The following KIRREL3 variants were observed in gnomAD, a reference collection of about 807,000 sequenced individuals.
The protein encoded by KIRREL3 is kirre like nephrin family adhesion molecule 3.
A neutral mutation model predicts 89.7 loss-of-function variants in KIRREL3; 36 were observed. The observed-to-expected ratio is 0.40, with a 90% confidence interval of 0.31 to 0.53. KIRREL3 has a LOEUF of 0.53. KIRREL3 is among the 20% of genes least tolerant of loss of function. KIRREL3 has a pLI of 0.49. For missense variants in KIRREL3, 864 were observed against 1,056.6 expected (o/e 0.82, Z 2.53); for synonymous variants, 445 against 441.4 (o/e 1.01, Z -0.10).
Position 126,636,748 on chromosome 11 carries a change from C to A in KIRREL3, c.56-73836G>T, listed in dbSNP as rs532297625. 3.3e-5 allele frequency among the ~76,000 whole-genome samples: 5 copies of A among 152,188 alleles called. No individual in the cohort carries two copies. Among genetic ancestry groups the A allele is most frequent in the Non-Finnish European group, 7.3e-5 (5 of 68,042 alleles). On this transcript the variant is annotated intron_variant, in intron 1 of 16. Coordinates refer to ENST00000525144, the MANE Select transcript of KIRREL3 (RefSeq NM_032531.4). This position sits in a 1 kb window ranked among gnomAD's most constrained non-coding sequence, Gnocchi z 4.4. ...CTAAGCTAGGCCCTTTGTACCACCT[C>A]AGAACAGCAGGGGATGCAGCAATAA...
intron 12 of KIRREL3, 129 bp downstream of exon 12, chr11:126,436,682 C>T (rs1955348204): frequency 1.0e-6 from 1 of 985,864 alleles, no homozygotes; most frequent in Non-Finnish European, 1.5e-6. Context: ...TGTGGTCAGC[C>T]AGGAAGAGCA....
In KIRREL3 at chr11:126,780,757, C is replaced by A. The variant is rs142006552; in HGVS notation, c.56-217845G>T. Among the ~76,000 whole-genome samples, 71 of 152,282 alleles carry A rather than the reference C, an allele frequency of 4.7e-4. No individual in the cohort carries two copies. The highest frequency in any genetic ancestry group is 3.3e-3 in the East Asian group (17 of 5,184). On this transcript the variant is annotated intron_variant, in intron 1 of 16. Transcript: ENST00000525144. This position sits in a 1 kb window ranked among gnomAD's most constrained non-coding sequence, Gnocchi z 5.3. ...CTCCTGCAGTCTCAGGAATAGGATA[C>A]AATTGTGGTCTTTACATGAAATCAA...
intron 1 of KIRREL3, among the ~76,000 whole-genome samples, chr11:126,577,752 ACT>A (rs1941333852): frequency 6.7e-6 from 1 of 150,242 alleles, no homozygotes; most frequent in African/African-American, 2.5e-5. Flanking sequence ...ACAGAGTAAG[ACT>A]CTGTCTCAAT....
In KIRREL3 at chr11:126,461,448, T is replaced by C. The variant is rs539280225; in HGVS notation, c.742+1709A>G. On this transcript the variant is annotated intron_variant, in intron 6 of 16. Transcript: ENST00000525144. ...CCCTAGCTCTAGGCTTGGCCAGAGC[T>C]CCGCGGCCCTGGCTGCTTGTGAATG... is the stretch of plus-strand genomic sequence containing the variant. Among the ~76,000 whole-genome samples the C allele has an allele frequency of 3.2e-4, 48 of 152,188 alleles. 1 individual carries two copies. The highest frequency in any genetic ancestry group is 1.1e-3 in the African/African-American group (47 of 41,544).
Position 126,983,483 on chromosome 11 carries a change from G to T in KIRREL3, c.55+16972C>A, listed in dbSNP as rs921506329. On this transcript the variant is annotated intron_variant, in intron 1 of 16. Coordinates refer to ENST00000525144, the MANE Select transcript of KIRREL3 (RefSeq NM_032531.4). The surrounding 1 kb of genome is among the most constrained non-coding windows in gnomAD (Gnocchi z 4.9). ...TTAAGTTAAGGTCTTGAGAGAGAGA[G>T]ATTTTCCTAAATTACCCTCTGTGGT... Among the ~76,000 whole-genome samples the T allele has an allele frequency of 1.3e-5, 2 of 152,192 alleles. No homozygotes were observed. The highest frequency in any genetic ancestry group is 2.9e-5 in the Non-Finnish European group (2 of 68,036).
chr11:126,445,012 C>G lies in KIRREL3; in HGVS notation c.1219G>C (p.Ala407Pro). 1 of 1,613,916 alleles carries G rather than the reference C, an allele frequency of 6.2e-7. No individual in the cohort carries two copies. Among genetic ancestry groups the G allele is most frequent in the Non-Finnish European group, 8.5e-7 (1 of 1,179,852 alleles). Residue 407 changes from alanine to proline, a missense_variant, in exon 10 of 17, where the codon GCC becomes CCC. By Grantham distance (27) the Ala-to-Pro change is conservative. Coordinates refer to ENST00000525144, the MANE Select transcript of KIRREL3 (RefSeq NM_032531.4). ...VCRAVVPRVG[A>P]GEREVTLTVN... Reference sequence around the variant, plus strand: ...GTCAGGGTCACCTCTCTCTCCCCGGCTCCCACACGGGGCACCACAGCCCGG... The same window carrying G: ...GTCAGGGTCACCTCTCTCTCCCCGGGTCCCACACGGGGCACCACAGCCCGG...
chr11:126,457,185 ATGTGTG>A (rs35883463), intron 6 of KIRREL3, among the ~76,000 whole-genome samples: 25 of 142,928 alleles, frequency 1.7e-4, no homozygotes, highest in African/African-American at 4.1e-4. Flanking sequence ...AAGAGAGATT[ATGTGTG>A]TGTGTGTGTG....
intron 1 of KIRREL3, among the ~76,000 whole-genome samples, chr11:126,901,664 T>C (rs984205734): frequency 6.6e-6 from 1 of 152,178 alleles, no homozygotes; most frequent in Non-Finnish European, 1.5e-5. Context: ...TCTAAAGCCA[T>C]CATATATGAT....
intron 1 of KIRREL3, among the ~76,000 whole-genome samples, chr11:126,762,314 C>T (rs1949690651): frequency 2.0e-5 from 3 of 152,252 alleles, no homozygotes; most frequent in African/African-American, 7.2e-5. Context: ...ACTACAAAAC[C>T]AGGTCAGGTT....
chr11:126,827,022 T>C (rs528213923), intron 1 of KIRREL3, among the ~76,000 whole-genome samples: 1 of 152,296 alleles, frequency 6.6e-6, no homozygotes, highest in Admixed American at 6.5e-5. Flanking sequence ...CTTGTTCTGC[T>C]TTTGGGGTGC....
chr11:126,745,459 A>AAAAC (rs67307715), intron 1 of KIRREL3, among the ~76,000 whole-genome samples: 11,456 of 138,924 alleles, frequency 0.082, 480 homozygotes, highest in Non-Finnish European at 0.093. Context: ...ATCAAGATGG[A>AAAAC]AAACAAACAA....
At chr11:126,968,794 T>C (rs1006457444) in intron 1 of KIRREL3, among the ~76,000 whole-genome samples, 5 of 152,016 alleles carry the variant, frequency 3.3e-5, no homozygotes, top group Non-Finnish European at 7.4e-5. Context: ...CTCTACAGGA[T>C]GGGGCTCTGC....
Position 126,791,225 on chromosome 11 carries a change from T to C in KIRREL3, c.55+209230A>G, listed in dbSNP as rs561146099. On this transcript the variant is annotated intron_variant, in intron 1 of 16. Transcript: ENST00000525144. This position sits in a 1 kb window ranked among gnomAD's most constrained non-coding sequence, Gnocchi z 4.8. Reference sequence around the variant, plus strand: ...CCTCTTATTGAGGAAAGAGTACATTTTGGGGGGCCTGTACAGGGAATTTAG... The same window carrying C: ...CCTCTTATTGAGGAAAGAGTACATTCTGGGGGGCCTGTACAGGGAATTTAG... Among the ~76,000 whole-genome samples the C allele has an allele frequency of 1.7e-4, 26 of 152,138 alleles. No individual in the cohort carries two copies. The highest frequency in any genetic ancestry group is 8.3e-4 in the South Asian group (4 of 4,824).
intron 1 of KIRREL3, among the ~76,000 whole-genome samples, chr11:126,757,739 G>T (rs1468383838): frequency 6.7e-6 from 1 of 150,252 alleles, no homozygotes; most frequent in South Asian, 2.1e-4. Flanking sequence ...TTAAAGGCAA[G>T]AAAAAAAAAG....
chr11:126,937,700 C>G (rs913479140), intron 1 of KIRREL3, among the ~76,000 whole-genome samples: 6 of 151,892 alleles, frequency 4.0e-5, no homozygotes, highest in Admixed American at 3.9e-4. Flanking sequence ...GAGATCAAGA[C>G]CATCCTGGCT....
chr11:126,848,193 TA>T (rs1944212964), intron 1 of KIRREL3, among the ~76,000 whole-genome samples: 1 of 152,228 alleles, frequency 6.6e-6, no homozygotes. Flanking sequence ...CTTGGCTTTT[TA>T]AAAAGCCTTA....
chr11:126,996,490 C>T lies in KIRREL3; in HGVS notation c.55+3965G>A, dbSNP rs1331960646. Among the ~76,000 whole-genome samples, 1 of 152,208 alleles carries T rather than the reference C, an allele frequency of 6.6e-6. No individual in the cohort carries two copies. Among genetic ancestry groups the T allele is most frequent in the Non-Finnish European group, 1.5e-5 (1 of 68,040 alleles). On this transcript the variant is annotated intron_variant, in intron 1 of 16. Coordinates refer to ENST00000525144, the MANE Select transcript of KIRREL3 (RefSeq NM_032531.4). This position sits in a 1 kb window ranked among gnomAD's most constrained non-coding sequence, Gnocchi z 4.7. ...AACCCTGCCCCTCCCAAGGGAACTC[C>T]TTGCTAGTTCAAGCCTCTTGAAGTG...
chr11:126,670,753 A>C (rs1291765180), intron 1 of KIRREL3, among the ~76,000 whole-genome samples: 1 of 152,228 alleles, frequency 6.6e-6, no homozygotes, highest in African/African-American at 2.4e-5. Context: ...GTCTTTAACG[A>C]AGAAAAAATT....
Position 126,686,881 on chromosome 11 carries a change from T to A in KIRREL3, c.56-123969A>T, listed in dbSNP as rs2040729192. On this transcript the variant is annotated intron_variant, in intron 1 of 16. Transcript: ENST00000525144. This position sits in a 1 kb window ranked among gnomAD's most constrained non-coding sequence, Gnocchi z 4.7. ...GGTGTGAGCCACCATGCCTGGATCC[T>A]ACACTGAATTTTGAAACATAAGAAG... Among the ~76,000 whole-genome samples, 1 of 152,200 alleles carries A rather than the reference T, an allele frequency of 6.6e-6. No homozygotes were observed. Among genetic ancestry groups the A allele is most frequent in the Admixed American group, 6.5e-5 (1 of 15,270 alleles).
Sources: allele counts gnomAD v4.1 joint callset (sites outside exome capture counted in the v4.1 genomes callset), GRCh38; gene constraint gnomAD v4.1.1; non-coding constraint Gnocchi (gnomAD v3.1); transcripts MANE v1.5; gene names NCBI Gene and HGNC (gene_info 2026-07-23, HGNC 2026-07-21).